MIPOL1: variants seen among roughly 807,000 people sequenced by gnomAD.
MIPOL1 encodes the protein mirror-image polydactyly 1.
In MIPOL1, 57 loss-of-function variants were observed where a neutral mutation model predicts 60.9. That is an observed-to-expected ratio of 0.94 (90% confidence interval 0.76 to 1.17). The LOEUF (loss-of-function observed/expected upper bound fraction) is 1.17. Ranked by LOEUF, MIPOL1 falls within the 50% of genes most tolerant of loss-of-function variation. MIPOL1 has a pLI of 0.00. For synonymous variants in MIPOL1, 179 were observed against 168.8 expected (o/e 1.06, Z -0.47); for missense variants, 551 against 511.6 (o/e 1.08, Z -0.74).
chr14:37,290,069 G>T (rs1344672939), intron 7 of MIPOL1, among the ~76,000 whole-genome samples: 1 of 152,152 alleles, frequency 6.6e-6, no homozygotes, highest in Non-Finnish European at 1.5e-5. Flanking sequence ...TTGGCTGTGT[G>T]TTATCCTTGT....
chr14:37,377,278 A>G (rs1200065702), intron 10 of MIPOL1, among the ~76,000 whole-genome samples: 3 of 152,150 alleles, frequency 2.0e-5, no homozygotes, highest in Non-Finnish European at 2.9e-5. Context: ...CTGCAGCAGT[A>G]GGGGAGGAGG....
At chr14:37,358,355 G>A (rs1167152297) in intron 9 of MIPOL1, among the ~76,000 whole-genome samples, 14 of 152,128 alleles carry the variant, frequency 9.2e-5, no homozygotes, top group South Asian at 4.1e-4. Context: ...TATATATCCA[G>A]CAATGGAATC....
intron 10 of MIPOL1, among the ~76,000 whole-genome samples, chr14:37,391,151 T>A (rs551952631): frequency 4.7e-4 from 72 of 151,720 alleles, no homozygotes; most frequent in South Asian, 3.9e-3. Context: ...CAGTGTAAAA[T>A]TCTATACCTA....
chr14:37,475,898 A>G (rs563999533), intron 11 of MIPOL1, among the ~76,000 whole-genome samples: 4 of 152,266 alleles, frequency 2.6e-5, no homozygotes, highest in Admixed American at 2.0e-4. Context: ...TGAGTTGACT[A>G]TTTGGGGTCT....
intron 11 of MIPOL1, among the ~76,000 whole-genome samples, chr14:37,457,078 A>G (rs1181859568): frequency 6.6e-6 from 1 of 152,182 alleles, no homozygotes; most frequent in African/African-American, 2.4e-5. Context: ...ACTCGTCATG[A>G]AAAGATAAAA....
intron 11 of MIPOL1, among the ~76,000 whole-genome samples, chr14:37,442,302 T>G (rs2094262087): frequency 6.6e-6 from 1 of 152,126 alleles, no homozygotes; most frequent in Non-Finnish European, 1.5e-5. Context: ...AGGTATAAAA[T>G]CATATTGTCA....
At chr14:37,271,945 C>T (rs996074996) in intron 6 of MIPOL1, among the ~76,000 whole-genome samples, 3 of 151,394 alleles carry the variant, frequency 2.0e-5, no homozygotes, top group Admixed American at 6.6e-5. Context: ...ATAATATTTA[C>T]TCTTTAATTT....
At chr14:37,546,421 G>A (rs1191116029) in intron 12 of MIPOL1, among the ~76,000 whole-genome samples, 1 of 152,082 alleles carries the variant, frequency 6.6e-6, no homozygotes, top group Non-Finnish European at 1.5e-5. Context: ...TTTATCAGCT[G>A]ATTCTATGAA....
chr14:37,535,540 C>T (rs553981301), intron 12 of MIPOL1, among the ~76,000 whole-genome samples: 4 of 152,274 alleles, frequency 2.6e-5, no homozygotes, highest in South Asian at 2.1e-4. Context: ...CACACTCTCC[C>T]GTTCACAGTA....
chr14:37,470,968 G>A (rs2094680686), intron 11 of MIPOL1, among the ~76,000 whole-genome samples: 1 of 152,052 alleles, frequency 6.6e-6, no homozygotes, highest in African/African-American at 2.4e-5. Flanking sequence ...GGTGGGTGAG[G>A]GTTGAAAATT....
intron 1 of MIPOL1, among the ~76,000 whole-genome samples, chr14:37,223,263 C>T (rs1969129278): frequency 6.6e-6 from 1 of 151,976 alleles, no homozygotes; most frequent in Non-Finnish European, 1.5e-5. Flanking sequence ...GAACTCCTGA[C>T]CTTGAGAGAT....
intron 1 of MIPOL1, among the ~76,000 whole-genome samples, chr14:37,211,602 A>C (rs936847913): frequency 6.6e-6 from 1 of 151,998 alleles, no homozygotes; most frequent in African/African-American, 2.4e-5. Context: ...GGTCTGCAGC[A>C]CTCTATGTCT....
chr14:37,389,246 A>C (rs1233392373), intron 10 of MIPOL1, among the ~76,000 whole-genome samples: 1 of 152,108 alleles, frequency 6.6e-6, no homozygotes, highest in Non-Finnish European at 1.5e-5. Context: ...AAAACAAAAA[A>C]CAGATTTTTA....
intron 1 of MIPOL1, among the ~76,000 whole-genome samples, chr14:37,237,599 T>C (rs1304105721): frequency 6.6e-6 from 1 of 152,188 alleles, no homozygotes; most frequent in Admixed American, 6.5e-5. Context: ...CCCCTTTGAC[T>C]TTTTAAAAAA....
In MIPOL1 at chr14:37,247,810, A is replaced by G; in HGVS notation, c.-60-19A>G. ...TATATTGTTTTCAGTTTATTTATCT[A>G]GAGTTGGCTTTATTTTAGCTGCAAA... On this transcript the variant is annotated intron_variant, in intron 2 of 12. Transcript: ENST00000684589. 1.4e-6 allele frequency: 2 copies of G among 1,414,924 alleles called. No individual in the cohort carries two copies. The highest frequency in any genetic ancestry group is 2.0e-6 in the Non-Finnish European group (2 of 1,004,454). 87.6% of individuals were successfully genotyped at this position (1,414,924 alleles called of 1,614,324 possible). A position where few individuals can be genotyped will look rare whatever the true frequency, so the allele number is the denominator to read the frequency against.
intron 11 of MIPOL1, among the ~76,000 whole-genome samples, chr14:37,480,847 T>G (rs1416354852): frequency 6.6e-6 from 1 of 152,030 alleles, no homozygotes; most frequent in Non-Finnish European, 1.5e-5. Flanking sequence ...CTCTTAGAAC[T>G]AATAAAACAG....
chr14:37,296,684 CA>C (rs1415974748), intron 7 of MIPOL1, among the ~76,000 whole-genome samples: 1 of 152,166 alleles, frequency 6.6e-6, no homozygotes, highest in Non-Finnish European at 1.5e-5. Flanking sequence ...CACCTCTACA[CA>C]AATAAACTAG....
At chr14:37,263,620 G>A (rs1342557416) in intron 3 of MIPOL1, among the ~76,000 whole-genome samples, 1 of 152,142 alleles carries the variant, frequency 6.6e-6, no homozygotes, top group Non-Finnish European at 1.5e-5. Flanking sequence ...TTTTCCTGTT[G>A]TTTAACTCTG....
At chr14:37,243,981 G>A (rs1209848118) in intron 1 of MIPOL1, among the ~76,000 whole-genome samples, 1 of 151,658 alleles carries the variant, frequency 6.6e-6, no homozygotes, top group Non-Finnish European at 1.5e-5. Flanking sequence ...CTTTTTTTTG[G>A]TGAGTGCATG....
Sources: allele counts gnomAD v4.1 joint callset (sites outside exome capture counted in the v4.1 genomes callset), GRCh38; gene constraint gnomAD v4.1.1; transcripts MANE v1.5; gene names NCBI Gene and HGNC (gene_info 2026-07-23, HGNC 2026-07-21).